The following SLC37A3 variants were observed in gnomAD, a reference collection of about 807,000 sequenced individuals.
SLC37A3 encodes sugar phosphate exchanger 3.
In SLC37A3, 51 loss-of-function variants were observed where a neutral mutation model predicts 67.1. That is an observed-to-expected ratio of 0.76 (90% CI 0.61 to 0.96). SLC37A3 has a LOEUF of 0.96. Ranked by LOEUF, SLC37A3 falls within the 40% of genes least tolerant of loss-of-function variation. SLC37A3 has a pLI of 0.00. For synonymous variants in SLC37A3, 214 were observed against 231.4 expected, an observed-to-expected ratio of 0.92 and a Z score of 0.68; for missense variants, 508 against 603.0, an observed-to-expected ratio of 0.84 and a Z score of 1.65.
rs147269991 is a variant in SLC37A3 at position 140,338,231 on chromosome 7, T to A, written c.1327-882A>T. On this transcript the variant is annotated intron_variant, in intron 13 of 14. Coordinates refer to ENST00000326232, the MANE Select transcript of SLC37A3 (RefSeq NM_207113.3). ...TACAATCCAGTGGTATCAGTTACATTCATAATGCTGTACAACCAACACTAC... is the reference window on the plus strand; with the variant it reads ...TACAATCCAGTGGTATCAGTTACATACATAATGCTGTACAACCAACACTAC... Among the ~76,000 whole-genome samples the A allele has an allele frequency of 5.6e-3, 856 of 152,222 alleles. 5 individuals are homozygous for A. Among genetic ancestry groups the A allele is most frequent in the African/African-American group, 8.8e-3 (366 of 41,548 alleles).
intron 13 of SLC37A3, among the ~76,000 whole-genome samples, chr7:140,341,150 C>T (rs1796347272): frequency 6.6e-6 from 1 of 152,162 alleles, no homozygotes; most frequent in African/African-American, 2.4e-5. Context: ...TTGGGCTGGT[C>T]TTGAACTCTT....
At chr7:140,370,422 C>T (rs1031751102) in intron 3 of SLC37A3, 2 of 152,108 alleles carry the variant, frequency 1.3e-5, no homozygotes, top group Non-Finnish European at 2.9e-5. Context: ...CCAATTAATT[C>T]GAAATTATGC....
chr7:140,379,798 G>A (rs893488559), intron 3 of SLC37A3: 3 of 151,972 alleles, frequency 2.0e-5, no homozygotes, highest in Non-Finnish European at 2.9e-5. Flanking sequence ...GGGGGCTGAG[G>A]TGGGAGGATC....
chr7:140,349,538 AG>A (rs147404251), intron 9 of SLC37A3, among the ~76,000 whole-genome samples: 22,593 of 116,590 alleles, frequency 0.19, 2,544 homozygotes, highest in African/African-American at 0.36. Context: ...CAAAGGAAAA[AG>A]GGGGGGGGGA....
Position 140,398,473 on chromosome 7 carries a change from G to C in SLC37A3, c.-128C>G, listed in dbSNP as rs1160157101. The C allele has an allele frequency of 6.6e-6, 1 of 152,288 alleles. No individual in the cohort carries two copies. The highest frequency in any genetic ancestry group is 2.4e-5 in the African/African-American group (1 of 41,424). The allele number at this position is 152,288 out of a possible 1,614,324, so 9.4% of individuals were successfully genotyped here. A position where few individuals can be genotyped will look rare whatever the true frequency, so the allele number is the denominator to read the frequency against. On this transcript the variant is annotated 5_prime_UTR_variant, in exon 1 of 15. Transcript: ENST00000326232. ...CCGGCTCCGCTCGCCGGGTCAGCTTGGCTCCGCTGCCCGCCTCCCCCGCCG... is the reference window on the plus strand; with the variant it reads ...CCGGCTCCGCTCGCCGGGTCAGCTTCGCTCCGCTGCCCGCCTCCCCCGCCG...
chr7:140,361,487 G>GCCTCTCCCTCTCCCTCTC lies in SLC37A3; in HGVS notation c.376-2703_376-2702insGAGAGGGAGAGGGAGAGG, dbSNP rs1360434297. On this transcript the variant is annotated intron_variant, in intron 5 of 14. Transcript: ENST00000326232. Reference sequence around the variant, plus strand: ...ACAAGAGCAAAACTCCGGACACACAGCCTCTCCCTCCCCCTCCCCCTCCCC... The same window carrying GCCTCTCCCTCTCCCTCTC: ...ACAAGAGCAAAACTCCGGACACACAGCCTCTCCCTCTCCCTCTCCCTCTCCCTCCCCCTCCCCCTCCCC... 5.6e-3 allele frequency among the ~76,000 whole-genome samples: 311 copies of GCCTCTCCCTCTCCCTCTC among 55,872 alleles called. 49 individuals carry two copies. Among genetic ancestry groups the GCCTCTCCCTCTCCCTCTC allele is most frequent in the Admixed American group, 0.015 (69 of 4,506 alleles). The allele number at this position is 55,872 out of a possible 152,430, so 36.7% of individuals were successfully genotyped here.
At chr7:140,387,674 T>TTATATAA (rs1798514198) in intron 1 of SLC37A3, among the ~76,000 whole-genome samples, 1 of 95,360 alleles carries the variant, frequency 1.0e-5, no homozygotes, top group Non-Finnish European at 2.0e-5. Context: ...AAATATATTA[T>TTATATAA]ATATAAATAT....
chr7:140,370,201 T>C (rs1191326613), intron 3 of SLC37A3, among the ~76,000 whole-genome samples: 1 of 151,890 alleles, frequency 6.6e-6, no homozygotes, highest in Non-Finnish European at 1.5e-5. Flanking sequence ...ATTGTACATA[T>C]TGAGGGAGTA....
intron 3 of SLC37A3, among the ~76,000 whole-genome samples, chr7:140,377,381 CT>C (rs1252337245): frequency 6.6e-6 from 1 of 152,126 alleles, no homozygotes; most frequent in African/African-American, 2.4e-5. Context: ...ACTTTAAATT[CT>C]CCTTCCTTCT....
chr7:140,340,120 C>G (rs1796302095), intron 13 of SLC37A3, among the ~76,000 whole-genome samples: 1 of 152,132 alleles, frequency 6.6e-6, no homozygotes, highest in Non-Finnish European at 1.5e-5. Context: ...TTCCCAATGA[C>G]TAAGGATGCT....
chr7:140,382,555 G>C lies in SLC37A3; in HGVS notation c.-29C>G, dbSNP rs1480857103. 1 of 1,599,538 alleles carries C rather than the reference G, an allele frequency of 6.3e-7. No individual in the cohort carries two copies. The highest frequency in any genetic ancestry group is 2.2e-5 in the East Asian group (1 of 44,804). On this transcript the variant is annotated 5_prime_UTR_variant, in exon 2 of 15. Transcript: ENST00000326232. ...CTTCCTGACCTTCCTTCTCACCTTT[G>C]ACCTTAAGGTTTGGATGAGTGATTT... is the stretch of plus-strand genomic sequence containing the variant.
At chr7:140,352,615 G>A (rs1337966929) in intron 7 of SLC37A3, among the ~76,000 whole-genome samples, 1 of 152,168 alleles carries the variant, frequency 6.6e-6, no homozygotes, top group Non-Finnish European at 1.5e-5. Flanking sequence ...GAAGGAAAGA[G>A]CTGAAGAGGT....
At chr7:140,357,986 G>T (rs1474434110) in intron 6 of SLC37A3, among the ~76,000 whole-genome samples, 1 of 151,924 alleles carries the variant, frequency 6.6e-6, no homozygotes, top group Non-Finnish European at 1.5e-5. Flanking sequence ...TGAGGCAGGA[G>T]AATCACTTGA....
Position 140,344,364 on chromosome 7 carries a change from G to A in SLC37A3, c.1175-801C>T, listed in dbSNP as rs1337114411. ...AATCACTTGAACCCAGGAGGTGGAG[G>A]TTGCAGTTAGCTGAGATCGCACCAC... On this transcript the variant is annotated intron_variant, in intron 12 of 14. Transcript: ENST00000326232. Among the ~76,000 whole-genome samples the A allele has an allele frequency of 2.6e-5, 4 of 152,290 alleles. 1 individual carries two copies. The highest frequency in any genetic ancestry group is 4.8e-5 in the African/African-American group (2 of 41,564).
intron 1 of SLC37A3, among the ~76,000 whole-genome samples, chr7:140,388,795 G>A (rs1258756976): frequency 1.3e-5 from 2 of 151,836 alleles, no homozygotes; most frequent in African/African-American, 2.4e-5. Flanking sequence ...GGCAACAAGA[G>A]CAAGACTCCA....
chr7:140,385,972 G>A (rs1046851493), intron 1 of SLC37A3, among the ~76,000 whole-genome samples: 2 of 151,946 alleles, frequency 1.3e-5, no homozygotes, highest in African/African-American at 2.4e-5. Flanking sequence ...TAGTAGAGAC[G>A]GGGTTTCACC....
intron 1 of SLC37A3, among the ~76,000 whole-genome samples, chr7:140,393,532 A>G (rs1203766381): frequency 2.0e-5 from 3 of 152,064 alleles, no homozygotes; most frequent in African/African-American, 7.2e-5. Context: ...TGAACCCATC[A>G]AGCCTCCTCT....
chr7:140,387,512 G>C (rs2129888289), intron 1 of SLC37A3, among the ~76,000 whole-genome samples: 1 of 148,556 alleles, frequency 6.7e-6, no homozygotes, highest in South Asian at 2.1e-4. Context: ...CTACTCGGGA[G>C]GTTGAGGCAC....
chr7:140,366,389 G>A (rs536274021), intron 4 of SLC37A3, among the ~76,000 whole-genome samples: 90 of 152,104 alleles, frequency 5.9e-4, no homozygotes, highest in African/African-American at 2.0e-3. Flanking sequence ...GATTACAGGC[G>A]TGAGCCACCG....
Sources: gnomAD v4.1 joint callset for allele counts (sites outside exome capture counted in the v4.1 genomes callset) on GRCh38, gnomAD v4.1.1 for gene constraint, MANE v1.5 for transcripts, NCBI Gene and HGNC (gene_info 2026-07-23, HGNC 2026-07-21) for gene names.